The following MAGI2 variants were observed in gnomAD, a reference collection of about 807,000 sequenced individuals.
MAGI2 encodes the protein membrane-associated guanylate kinase, WW and PDZ domain-containing protein 2.
MAGI2 carries 35 observed loss-of-function variants against 133.3 expected under a neutral mutation model. The ratio of observed to expected loss-of-function variants is 0.26; its 90% CI spans 0.20 to 0.35. The LOEUF is 0.35. MAGI2 is among the 10% of genes least tolerant of loss of function. MAGI2 has a pLI of 1.00. For synonymous variants in MAGI2, 729 were observed against 710.6 expected, an observed-to-expected ratio of 1.03 and a Z score of -0.41; for missense variants, 1,636 against 1,863.4, an observed-to-expected ratio of 0.88 and a Z score of 2.25.
chr7:79,282,765 A>G (rs1342111522), intron 1 of MAGI2, among the ~76,000 whole-genome samples: 1 of 152,162 alleles, frequency 6.6e-6, no homozygotes, highest in African/African-American at 2.4e-5. Flanking sequence ...ATGTATTTTT[A>G]AAACCAAGGG....
At chr7:78,546,366 C>T (rs1243593968) in intron 3 of MAGI2, among the ~76,000 whole-genome samples, 2 of 151,948 alleles carry the variant, frequency 1.3e-5, no homozygotes, top group Admixed American at 1.3e-4. Flanking sequence ...AGGTAGCATA[C>T]CAGATTTAAA....
intron 1 of MAGI2, among the ~76,000 whole-genome samples, chr7:79,304,477 A>G (rs951230708): frequency 2.0e-5 from 3 of 152,092 alleles, no homozygotes; most frequent in Admixed American, 2.0e-4. Context: ...ACTCCCAGAA[A>G]AGATAATTTG....
chr7:78,480,872 T>C (rs941974215), intron 6 of MAGI2, among the ~76,000 whole-genome samples: 8 of 151,906 alleles, frequency 5.3e-5, no homozygotes, highest in African/African-American at 1.2e-4. Context: ...AAACGTGCCA[T>C]ATATTTTTGC....
intron 3 of MAGI2, among the ~76,000 whole-genome samples, chr7:78,626,744 T>C (rs544719933): frequency 1.3e-5 from 2 of 152,118 alleles, no homozygotes; most frequent in South Asian, 2.1e-4. Flanking sequence ...CCCTTCCTTC[T>C]TTTAGATGAC....
intron 1 of MAGI2, among the ~76,000 whole-genome samples, chr7:79,300,175 C>A (rs902243539): frequency 6.6e-6 from 1 of 151,998 alleles, no homozygotes; most frequent in Admixed American, 6.6e-5. Flanking sequence ...TTTGGAACTG[C>A]GTAATGGGCA....
chr7:78,560,630 T>G (rs902323295), intron 3 of MAGI2, among the ~76,000 whole-genome samples: 40 of 152,296 alleles, frequency 2.6e-4, no homozygotes, highest in African/African-American at 8.9e-4. Flanking sequence ...AACCTTTATT[T>G]TTATGAGAGC....
chr7:78,851,328 T>A (rs1378819616), intron 2 of MAGI2, among the ~76,000 whole-genome samples: 1 of 152,108 alleles, frequency 6.6e-6, no homozygotes, highest in East Asian at 1.9e-4. Context: ...TACGGCAATA[T>A]TAATTTACAG....
At chr7:79,113,471 ACTCT>A (rs1205373570) in intron 1 of MAGI2, among the ~76,000 whole-genome samples, 12 of 152,112 alleles carry the variant, frequency 7.9e-5, no homozygotes, top group Non-Finnish European at 2.9e-5. Context: ...AGGCAACACA[ACTCT>A]AAGTTTTGCT....
At chr7:78,789,546 T>A (rs1174920453) in intron 2 of MAGI2, among the ~76,000 whole-genome samples, 1 of 152,196 alleles carries the variant, frequency 6.6e-6, no homozygotes, top group Non-Finnish European at 1.5e-5. Flanking sequence ...TCTTTATTTT[T>A]CAAAATTCAT....
At chr7:78,789,104 T>TA (rs1438516740) in intron 2 of MAGI2, among the ~76,000 whole-genome samples, 1 of 152,240 alleles carries the variant, frequency 6.6e-6, no homozygotes, top group East Asian at 1.9e-4. Flanking sequence ...TTATTCATTT[T>TA]ATGTGCTTCC....
At chr7:78,439,206 C>A (rs993839380) in intron 6 of MAGI2, among the ~76,000 whole-genome samples, 3 of 152,152 alleles carry the variant, frequency 2.0e-5, no homozygotes, top group African/African-American at 7.2e-5. Flanking sequence ...TTCATAATTT[C>A]GGAAGCTGAA....
intron 7 of MAGI2, among the ~76,000 whole-genome samples, chr7:78,357,860 T>C (rs1032158821): frequency 6.6e-6 from 1 of 152,066 alleles, no homozygotes; most frequent in Non-Finnish European, 1.5e-5. Flanking sequence ...AATGTGAAAT[T>C]TGATGATAAA....
chr7:78,278,753 C>A (rs1429913135), intron 9 of MAGI2, among the ~76,000 whole-genome samples: 1 of 152,142 alleles, frequency 6.6e-6, no homozygotes, highest in Admixed American at 6.5e-5. Flanking sequence ...AATTTTGCCT[C>A]AAAACTGAAG....
At chr7:79,316,268 C>T (rs904293460) in intron 1 of MAGI2, among the ~76,000 whole-genome samples, 1 of 151,892 alleles carries the variant, frequency 6.6e-6, no homozygotes, top group Admixed American at 6.6e-5. Flanking sequence ...ACCACCACCA[C>T]CCCCCCACTC....
intron 1 of MAGI2, among the ~76,000 whole-genome samples, chr7:79,017,423 A>G (rs370612951): frequency 3.9e-5 from 6 of 152,216 alleles, no homozygotes; most frequent in East Asian, 1.9e-4. Flanking sequence ...AGGATAGAAG[A>G]AAAAGAAATC....
intron 2 of MAGI2, among the ~76,000 whole-genome samples, chr7:78,655,628 T>C (rs1055544504): frequency 6.6e-6 from 1 of 151,976 alleles, no homozygotes; most frequent in African/African-American, 2.4e-5. Flanking sequence ...CCAATATGTA[T>C]AGCAATTTAA....
intron 2 of MAGI2, among the ~76,000 whole-genome samples, chr7:78,658,901 T>TAAAC (rs574736174): frequency 5.8e-4 from 89 of 152,244 alleles, no homozygotes; most frequent in African/African-American, 1.2e-3. Flanking sequence ...GATCGTTCTC[T>TAAAC]AAACAAACAA....
intron 5 of MAGI2, among the ~76,000 whole-genome samples, chr7:78,494,575 T>C (rs1161641017): frequency 6.6e-6 from 1 of 152,198 alleles, no homozygotes; most frequent in Non-Finnish European, 1.5e-5. Flanking sequence ...AAGGGTAACC[T>C]AATTCAAACC....
At chr7:78,066,587 T>G (rs1051896428) in intron 21 of MAGI2, among the ~76,000 whole-genome samples, 18 of 152,330 alleles carry the variant, frequency 1.2e-4, no homozygotes, top group Non-Finnish European at 4.4e-5. Context: ...TGCTGTGGGT[T>G]GTGCTCTGAA....
Sources: gnomAD v4.1 joint callset for allele counts (sites outside exome capture counted in the v4.1 genomes callset) on GRCh38, gnomAD v4.1.1 for gene constraint, MANE v1.5 for transcripts, NCBI Gene and HGNC (gene_info 2026-07-23, HGNC 2026-07-21) for gene names.